Variants in PIGN observed in about 807,000 individuals in gnomAD.
PIGN encodes the protein GPI ethanolamine phosphate transferase 1.
PIGN carries 117 observed loss-of-function variants against 125.4 expected under a neutral mutation model. The ratio of observed to expected loss-of-function variants is 0.93; its 90% CI spans 0.80 to 1.09. The LOEUF is 1.09. Ranked by LOEUF, PIGN falls within the 50% of genes least tolerant of loss-of-function variation. PIGN has a pLI of 0.00. For missense variants in PIGN, 1,075 were observed against 1,094.9 expected (o/e 0.98, Z 0.26); for synonymous variants, 392 against 377.8 (o/e 1.04, Z -0.44).
At chr18:62,116,465 A>T (rs773499462) in intron 14 of PIGN, among the ~76,000 whole-genome samples, 16 of 152,244 alleles carry the variant, frequency 1.1e-4, no homozygotes, top group South Asian at 4.1e-4. Context: ...ATTATCGCAA[A>T]TGTGTACCCT....
intron 20 of PIGN, among the ~76,000 whole-genome samples, chr18:62,104,314 C>G (rs889384509): frequency 5.3e-4 from 80 of 152,088 alleles, no homozygotes; most frequent in Non-Finnish European, 7.5e-4. Context: ...TCCCTTTTAG[C>G]ATATGATAAA....
At chr18:62,118,438 C>T (rs1376303770) in intron 14 of PIGN, 1 of 151,308 alleles carries the variant, frequency 6.6e-6, no homozygotes, top group Non-Finnish European at 1.5e-5. Flanking sequence ...GGCTAAGATC[C>T]TAGAGAGAAG....
chr18:62,053,075 A>C (rs1383863380), intron 30 of PIGN: 1 of 280,264 alleles, frequency 3.6e-6, no homozygotes, highest in East Asian at 5.2e-5. Context: ...AAGTTTTCTA[A>C]ATTATATTTG....
At chr18:62,062,891 T>TTTTTTTTTTTTTTTTTTTTTTTTTTTTTC (rs1486946452) in intron 30 of PIGN, among the ~76,000 whole-genome samples, 1 of 114,552 alleles carries the variant, frequency 8.7e-6, no homozygotes, top group Non-Finnish European at 1.8e-5. Context: ...GCTTTTTTTT[T>TTTTTTTTTTTTTTTTTTTTTTTTTTTTTC]TTTTTTTTTT....
At chr18:62,057,170 C>A (rs1002736061) in intron 30 of PIGN, among the ~76,000 whole-genome samples, 2 of 152,082 alleles carry the variant, frequency 1.3e-5, no homozygotes, top group Non-Finnish European at 2.9e-5. Flanking sequence ...TATCCTTTAC[C>A]ACACAAATGT....
chr18:62,024,680 A>C (rs891475122), intron 23 of PIGN, among the ~76,000 whole-genome samples: 1 of 152,102 alleles, frequency 6.6e-6, no homozygotes, highest in African/African-American at 2.4e-5. Flanking sequence ...CTGTGGCTCA[A>C]CTATCACTTG....
Position 62,105,642 on chromosome 18 carries a change from C to A in PIGN, c.1768-8G>T. 10 of 1,517,752 alleles carry A rather than the reference C, an allele frequency of 6.6e-6. No homozygotes were observed. Among genetic ancestry groups the A allele is most frequent in the South Asian group, 1.2e-5 (1 of 80,652 alleles). The allele number at this position is 1,517,752 out of a possible 1,614,324, so 94.0% of individuals were successfully genotyped here. A position where few individuals can be genotyped will look rare whatever the true frequency, so the allele number is the denominator to read the frequency against. ...CCAACTCAGTGAGGTCATCTAAAAT[C>A]AAGAAAAAAGTTATCTTTAGACAAA... On this transcript the variant is annotated splice_region_variant and splice_polypyrimidine_tract_variant and intron_variant, in intron 19 of 30. Coordinates refer to ENST00000640252, the MANE Select transcript of PIGN (RefSeq NM_176787.5).
chr18:62,157,859 T>C (rs973574663), intron 4 of PIGN, 51 bp from the exon 5 acceptor site: 30 of 1,502,290 alleles, frequency 2.0e-5, no homozygotes, highest in Non-Finnish European at 2.5e-5. Flanking sequence ...TTAGATACTC[T>C]CACATAAAGC....
intron 1 of PIGN, among the ~76,000 whole-genome samples, chr18:62,172,328 T>C (rs2037371087): frequency 6.6e-6 from 1 of 152,166 alleles, no homozygotes; most frequent in Non-Finnish European, 1.5e-5. Context: ...AAGTATCACA[T>C]TAGTTATTCA....
At chr18:62,148,735 G>C (rs929560837) in intron 7 of PIGN, among the ~76,000 whole-genome samples, 15 of 151,942 alleles carry the variant, frequency 9.9e-5, no homozygotes, top group African/African-American at 3.4e-4. Context: ...TTCAGAACTG[G>C]ACCACTTTTC....
intron 17 of PIGN, among the ~76,000 whole-genome samples, chr18:62,109,086 T>C (rs2034770810): frequency 6.6e-6 from 1 of 152,202 alleles, no homozygotes; most frequent in Admixed American, 6.5e-5. Flanking sequence ...AATACTTTGA[T>C]ATCCATGACT....
Position 62,138,763 on chromosome 18 carries a change from T to C in PIGN, c.1116+220A>G, listed in dbSNP as rs62097170. 0.24 allele frequency among the ~76,000 whole-genome samples: 35,884 copies of C among 152,108 alleles called. 4,477 individuals carry two copies. Among genetic ancestry groups the C allele is most frequent in the Middle Eastern group, 0.37 (110 of 294 alleles). ...TCTTTGTAAGCATATGTGGTAATCTTACATGCAGTCATACTCCTCAAACAC... is the reference window on the plus strand; with the variant it reads ...TCTTTGTAAGCATATGTGGTAATCTCACATGCAGTCATACTCCTCAAACAC... On this transcript the variant is annotated intron_variant, in intron 13 of 30. Transcript: ENST00000640252.
chr18:62,101,300 T>C (rs1447706957), intron 21 of PIGN, 117 bp from the exon 22 acceptor site: 2 of 654,192 alleles, frequency 3.1e-6, no homozygotes, highest in African/African-American at 3.6e-5. Context: ...ATGTGTATCT[T>C]GGAATCAATG....
At chr18:62,182,417 G>T (rs1278784278) in intron 1 of PIGN, among the ~76,000 whole-genome samples, 4 of 152,200 alleles carry the variant, frequency 2.6e-5, no homozygotes, top group African/African-American at 9.7e-5. Context: ...AATCTCAGTA[G>T]GTGGCACCAC....
intron 28 of PIGN, among the ~76,000 whole-genome samples, chr18:62,082,264 T>C (rs1326852899): frequency 2.0e-5 from 3 of 152,118 alleles, no homozygotes; most frequent in Admixed American, 6.6e-5. Flanking sequence ...TTTTAAGTCA[T>C]GGAAAATGAA....
At chr18:62,120,949 T>A (rs2035280494) in intron 14 of PIGN, among the ~76,000 whole-genome samples, 1 of 152,100 alleles carries the variant, frequency 6.6e-6, no homozygotes, top group Non-Finnish European at 1.5e-5. Context: ...ATGTGCTACT[T>A]ACAGAAGACA....
intron 14 of PIGN, among the ~76,000 whole-genome samples, chr18:62,128,773 A>G (rs2035626748): frequency 6.6e-6 from 1 of 152,158 alleles, no homozygotes; most frequent in Non-Finnish European, 1.5e-5. Context: ...GGGCTATAAT[A>G]TTTTATTATT....
At chr18:62,125,183 T>C (rs955330595) in intron 14 of PIGN, among the ~76,000 whole-genome samples, 11 of 136,564 alleles carry the variant, frequency 8.1e-5, no homozygotes, top group African/African-American at 2.7e-4. Flanking sequence ...TATATAAATA[T>C]ACACGTTTGT....
At position 62,143,375 on chromosome 18, in the gene PIGN, G is replaced by A. The variant is rs745430059; in HGVS notation, c.923-29C>T. On this transcript the variant is annotated intron_variant, in intron 10 of 30. Coordinates refer to ENST00000640252, the MANE Select transcript of PIGN (RefSeq NM_176787.5). The stretch of plus-strand genomic sequence containing the variant: ...AAAGATACAATCAGACACAAGATCT[G>A]ATGTTAAGATTTAAAAAAGAATAAA... 17 of 1,362,002 alleles carry A rather than the reference G, an allele frequency of 1.2e-5. No homozygotes were observed. The East Asian group carries it at 1.9e-4, about 15-fold the overall frequency. 84.4% of individuals were successfully genotyped at this position (1,362,002 alleles called of 1,614,324 possible).
Sources: allele counts gnomAD v4.1 joint callset (sites outside exome capture counted in the v4.1 genomes callset), GRCh38; gene constraint gnomAD v4.1.1; transcripts MANE v1.5; gene names NCBI Gene and HGNC (gene_info 2026-07-23, HGNC 2026-07-21).